Variants in PLEKHA6 observed in about 807,000 individuals in gnomAD.
PLEKHA6 encodes the protein pleckstrin homology domain containing A6.
PLEKHA6 carries 60 observed loss-of-function variants against 116.7 expected under a neutral mutation model. The ratio of observed to expected loss-of-function variants is 0.51; its 90% CI spans 0.42 to 0.64. The LOEUF (loss-of-function observed/expected upper bound fraction) is 0.64. PLEKHA6 is among the 30% of genes least tolerant of loss of function. The pLI, the probability that PLEKHA6 is intolerant of heterozygous loss-of-function variation, is 0.00. For missense variants in PLEKHA6, 1,338 were observed against 1,422.7 expected (o/e 0.94, Z 0.96); for synonymous variants, 489 against 556.1 (o/e 0.88, Z 1.70).
chr1:204,234,988 ATATATATATATATATATATATATATC>A (rs1170575758), intron 17 of PLEKHA6, among the ~76,000 whole-genome samples: 4 of 18,694 alleles, frequency 2.1e-4, no homozygotes, highest in African/African-American at 4.1e-4. Flanking sequence ...ATATATATAT[ATATATATATATATATATATATATATC>A]TAATAGCAGA....
intron 3 of PLEKHA6, among the ~76,000 whole-genome samples, chr1:204,272,466 C>T (rs2102890824): frequency 6.6e-6 from 1 of 152,286 alleles, no homozygotes; most frequent in East Asian, 1.9e-4. Context: ...CATTCCCTAC[C>T]CTTCCATTTC....
intron 1 of PLEKHA6, among the ~76,000 whole-genome samples, chr1:204,321,182 A>G (rs1450592004): frequency 1.3e-5 from 2 of 152,134 alleles, no homozygotes; most frequent in East Asian, 3.9e-4. Flanking sequence ...AGCACCACTC[A>G]GGGGAAGCCA....
At chr1:204,342,358 G>T (rs1052101001) in intron 1 of PLEKHA6, among the ~76,000 whole-genome samples, 4 of 152,142 alleles carry the variant, frequency 2.6e-5, no homozygotes, top group African/African-American at 4.8e-5. Flanking sequence ...CCTTTATTAT[G>T]AGCATTCCAA....
chr1:204,244,069 C>G (rs891167701), intron 15 of PLEKHA6, among the ~76,000 whole-genome samples: 2 of 151,938 alleles, frequency 1.3e-5, no homozygotes, highest in Non-Finnish European at 2.9e-5. Context: ...GATCCACCCA[C>G]CTCAGCCACC....
intron 1 of PLEKHA6, among the ~76,000 whole-genome samples, chr1:204,319,428 A>G (rs1266828294): frequency 1.3e-5 from 2 of 152,182 alleles, no homozygotes; most frequent in African/African-American, 4.8e-5. Context: ...TTAAAAACTG[A>G]GGAAATTGAG....
At chr1:204,352,518 G>C (rs894880030) in intron 1 of PLEKHA6, among the ~76,000 whole-genome samples, 1 of 152,200 alleles carries the variant, frequency 6.6e-6, no homozygotes, top group Non-Finnish European at 1.5e-5. Context: ...ACCCAGAGAG[G>C]TTAAGTAATT....
intron 1 of PLEKHA6, among the ~76,000 whole-genome samples, chr1:204,354,976 A>C (rs771258714): frequency 4.6e-5 from 7 of 152,194 alleles, no homozygotes; most frequent in Non-Finnish European, 8.8e-5. Flanking sequence ...ATTCCAGGGG[A>C]TTCTCCTGGA....
Position 204,325,336 on chromosome 1 carries a change from G to C in PLEKHA6, c.-95+34358C>G, listed in dbSNP as rs146063720. ...GCAAACTGGGTTTAGAGGGCTGCCA[G>C]GGGGAGAATCCTTAGGGACATGGTG... On this transcript the variant is annotated intron_variant, in intron 1 of 22. Transcript: ENST00000272203. Among the ~76,000 whole-genome samples the C allele has an allele frequency of 2.6e-4, 40 of 152,296 alleles. No individual in the cohort carries two copies. The East Asian group carries it at 7.7e-3, about 29-fold the overall frequency.
chr1:204,224,988 C>A (rs1009195461), intron 21 of PLEKHA6, among the ~76,000 whole-genome samples: 1 of 152,192 alleles, frequency 6.6e-6, no homozygotes, highest in African/African-American at 2.4e-5. Context: ...CCCCTGGAGT[C>A]CAGTTACTCT....
intron 1 of PLEKHA6, among the ~76,000 whole-genome samples, chr1:204,283,017 C>T (rs572386882): frequency 3.3e-5 from 5 of 152,276 alleles, no homozygotes; most frequent in African/African-American, 1.2e-4. Context: ...GCCCCCCCAC[C>T]GCCCCGCCGC....
At chr1:204,345,484 T>A (rs1396578907) in intron 1 of PLEKHA6, among the ~76,000 whole-genome samples, 3 of 151,244 alleles carry the variant, frequency 2.0e-5, no homozygotes, top group Non-Finnish European at 4.4e-5. Context: ...ACACTCCCCA[T>A]CTCTGCTGTG....
At chr1:204,245,813 T>A (rs1401521579) in intron 13 of PLEKHA6, 87 bp from the exon 14 acceptor site, 11 of 889,452 alleles carry the variant, frequency 1.2e-5, no homozygotes, top group Non-Finnish European at 1.8e-5. Context: ...GGAACCCACA[T>A]CCCTTTGGGC....
intron 1 of PLEKHA6, among the ~76,000 whole-genome samples, chr1:204,340,852 T>C (rs991171358): frequency 2.0e-5 from 3 of 152,230 alleles, no homozygotes; most frequent in African/African-American, 7.2e-5. Context: ...AGACTTACAC[T>C]GGCCTTTGGC....
At chr1:204,281,146 C>A (rs1668551260) in intron 1 of PLEKHA6, 1 of 169,358 alleles carries the variant, frequency 5.9e-6, no homozygotes, top group Non-Finnish European at 1.2e-5. Flanking sequence ...ATGATCACAC[C>A]ACTGCACCCC....
intron 21 of PLEKHA6, among the ~76,000 whole-genome samples, chr1:204,226,300 C>T (rs1330483849): frequency 6.6e-6 from 1 of 152,208 alleles, no homozygotes; most frequent in Non-Finnish European, 1.5e-5. Flanking sequence ...GGTTTCAGCA[C>T]ACAGACCCTG....
intron 1 of PLEKHA6, among the ~76,000 whole-genome samples, chr1:204,332,734 G>A (rs1490562770): frequency 1.3e-5 from 2 of 152,118 alleles, no homozygotes; most frequent in African/African-American, 4.8e-5. Flanking sequence ...CTCGCTGAAG[G>A]TCAAGGGACC....
Position 204,373,816 on chromosome 1 carries a change from G to C in PLEKHA6, c.84-2210C>G, listed in dbSNP as rs145135763. The stretch of plus-strand genomic sequence containing the variant: ...CTAACCTACCCCTCTGATAAGCAGA[G>C]AAAAAACAAAGTCACTGTTCTAGTG... On this transcript the variant is annotated intron_variant, in intron 1 of 4. Coordinates refer to the PLEKHA6 transcript ENST00000564627. 5.5e-3 allele frequency among the ~76,000 whole-genome samples: 842 copies of C among 152,194 alleles called. 6 individuals are homozygous for C. The highest frequency in any genetic ancestry group is 0.019 in the African/African-American group (799 of 41,522).
At chr1:204,269,794 G>T (rs1011553946) in intron 3 of PLEKHA6, among the ~76,000 whole-genome samples, 1 of 152,022 alleles carries the variant, frequency 6.6e-6, no homozygotes, top group Admixed American at 6.6e-5. Flanking sequence ...TAGCTCCACC[G>T]ATCATCTCCT....
intron 15 of PLEKHA6, among the ~76,000 whole-genome samples, chr1:204,243,592 A>C (rs796758609): frequency 1.3e-4 from 20 of 152,136 alleles, no homozygotes; most frequent in African/African-American, 4.8e-4. Flanking sequence ...TCTCCTGCCT[A>C]GAATGCCTTT....
Sources: gnomAD v4.1 joint callset for allele counts (sites outside exome capture counted in the v4.1 genomes callset) on GRCh38, gnomAD v4.1.1 for gene constraint, MANE v1.5 for transcripts, NCBI Gene and HGNC (gene_info 2026-07-23, HGNC 2026-07-21) for gene names.